CDH4: variants seen among roughly 807,000 people sequenced by gnomAD.
CDH4 encodes the protein cadherin 4, also known as cadherin-4.
In CDH4, 33 loss-of-function variants were observed where a neutral mutation model predicts 86.0. That is an observed-to-expected ratio of 0.38 (90% CI 0.29 to 0.51). The LOEUF (loss-of-function observed/expected upper bound fraction) is 0.51, where lower values mean the gene tolerates loss of function less well. Among genes scored for constraint, CDH4 ranks in the 20% least tolerant of loss-of-function variants. The pLI is 0.86. For synonymous variants in CDH4, 555 were observed against 549.4 expected, an observed-to-expected ratio of 1.01 and a Z score of -0.14; for missense variants, 1,114 against 1,307.4, an observed-to-expected ratio of 0.85 and a Z score of 2.28.
At chr20:61,712,617 T>C (rs1391477165) in intron 2 of CDH4, among the ~76,000 whole-genome samples, 3 of 152,064 alleles carry the variant, frequency 2.0e-5, no homozygotes, top group Non-Finnish European at 4.4e-5. Context: ...ATAACTGTGG[T>C]GCAAAAAACC....
At chr20:61,915,190 C>A (rs959743622) in intron 9 of CDH4, among the ~76,000 whole-genome samples, 3 of 152,242 alleles carry the variant, frequency 2.0e-5, no homozygotes, top group Non-Finnish European at 2.9e-5. Context: ...GCTACCTCTG[C>A]CATAAAGCCA....
chr20:61,607,606 G>C (rs921527492), intron 2 of CDH4, among the ~76,000 whole-genome samples: 1 of 152,184 alleles, frequency 6.6e-6, no homozygotes, highest in Non-Finnish European at 1.5e-5. Context: ...CGACACCTAC[G>C]TGGACTCGCA....
intron 2 of CDH4, among the ~76,000 whole-genome samples, chr20:61,723,201 A>G (rs962142115): frequency 2.0e-5 from 3 of 152,262 alleles, no homozygotes; most frequent in African/African-American, 4.8e-5. Flanking sequence ...ACACGGCTTC[A>G]TGGAGCCCTG....
chr20:61,433,597 G>A (rs907847629), intron 2 of CDH4, among the ~76,000 whole-genome samples: 1 of 152,212 alleles, frequency 6.6e-6, no homozygotes, highest in African/African-American at 2.4e-5. Context: ...CAGCATGCAA[G>A]GGTTTGGGTG....
At chr20:61,744,052 CAT>C (rs2088379360) in intron 3 of CDH4, among the ~76,000 whole-genome samples, 1 of 152,234 alleles carries the variant, frequency 6.6e-6, no homozygotes, top group Admixed American at 6.5e-5. Flanking sequence ...TGTCGCTCTT[CAT>C]ATGTTTTTGA....
intron 11 of CDH4, among the ~76,000 whole-genome samples, chr20:61,925,237 C>T (rs1416475948): frequency 1.3e-5 from 2 of 152,202 alleles, no homozygotes; most frequent in Non-Finnish European, 2.9e-5. Flanking sequence ...GAAGCAGCCA[C>T]CCCTTCCTGG....
At chr20:61,912,256 A>G (rs1158464371) in intron 9 of CDH4, among the ~76,000 whole-genome samples, 1 of 152,222 alleles carries the variant, frequency 6.6e-6, no homozygotes, top group Non-Finnish European at 1.5e-5. Context: ...ACTGCATAAC[A>G]TAATTATGGA....
rs572820822 is a variant in CDH4 at position 61,639,044 on chromosome 20, C to T, written c.170-104519C>T. Reference sequence around the variant, plus strand: ...AAATGTCAGTCCCTGTTATTACTGCCGGTAGAATGAATGAACACGTGCATA... The same window carrying T: ...AAATGTCAGTCCCTGTTATTACTGCTGGTAGAATGAATGAACACGTGCATA... On this transcript the variant is annotated intron_variant, in intron 2 of 15. Coordinates refer to ENST00000614565, the MANE Select transcript of CDH4 (RefSeq NM_001794.5). 6.4e-4 allele frequency among the ~76,000 whole-genome samples: 97 copies of T among 152,276 alleles called. 1 individual carries two copies. The highest frequency in any genetic ancestry group is 2.2e-3 in the African/African-American group (90 of 41,556).
intron 2 of CDH4, among the ~76,000 whole-genome samples, chr20:61,562,536 C>T (rs553850867): frequency 1.3e-5 from 2 of 152,336 alleles, no homozygotes. Context: ...TTGGTCCGAA[C>T]CCACCTTGTA....
intron 2 of CDH4, among the ~76,000 whole-genome samples, chr20:61,699,722 AAG>A (rs2087753738): frequency 6.6e-6 from 1 of 151,864 alleles, no homozygotes; most frequent in Non-Finnish European, 1.5e-5. Flanking sequence ...GAGGGGAAGA[AAG>A]AGTCTGAGCG....
chr20:61,624,448 C>A (rs1023834296), intron 2 of CDH4, among the ~76,000 whole-genome samples: 2 of 152,138 alleles, frequency 1.3e-5, no homozygotes, highest in Non-Finnish European at 2.9e-5. Context: ...AGGAGAGAGG[C>A]TTAGCTCACA....
chr20:61,636,691 C>G (rs1313292536), intron 2 of CDH4, among the ~76,000 whole-genome samples: 1 of 152,218 alleles, frequency 6.6e-6, no homozygotes, highest in Non-Finnish European at 1.5e-5. Context: ...TGCTCTTCTC[C>G]CAGCGCCTGG....
chr20:61,746,025 G>A (rs748548614), intron 3 of CDH4, among the ~76,000 whole-genome samples: 6 of 152,142 alleles, frequency 3.9e-5, no homozygotes, highest in South Asian at 2.1e-4. Context: ...CCCAACCAGC[G>A]GAGCAGGGGA....
rs1981471510 is a variant in CDH4 at position 61,829,215 on chromosome 20, G to C, written c.577-15453G>C. Among the ~76,000 whole-genome samples, 1 of 152,224 alleles carries C rather than the reference G, an allele frequency of 6.6e-6. No individual in the cohort carries two copies. The highest frequency in any genetic ancestry group is 2.4e-5 in the African/African-American group (1 of 41,462). ...CAATAACGTACTTCCTGTCTCTATG[G>C]ATTTGCCTGTCCTGCATACTTTGTG... On this transcript the variant is annotated intron_variant, in intron 4 of 15. Coordinates refer to ENST00000614565, the MANE Select transcript of CDH4 (RefSeq NM_001794.5). This position sits in a 1 kb window ranked among gnomAD's most constrained non-coding sequence, Gnocchi z 4.2.
intron 2 of CDH4, among the ~76,000 whole-genome samples, chr20:61,735,094 G>C (rs2088245581): frequency 6.6e-6 from 1 of 152,208 alleles, no homozygotes; most frequent in East Asian, 1.9e-4. Context: ...GTGGAGGAGG[G>C]ACCCTGCCCT....
chr20:61,581,467 A>G (rs1285034470), intron 2 of CDH4, among the ~76,000 whole-genome samples: 1 of 151,734 alleles, frequency 6.6e-6, no homozygotes, highest in African/African-American at 2.4e-5. Context: ...CCCCTCCTCC[A>G]TCTTCATGGC....
chr20:61,566,714 C>T (rs1233407600), intron 2 of CDH4, among the ~76,000 whole-genome samples: 3 of 152,096 alleles, frequency 2.0e-5, no homozygotes, highest in Non-Finnish European at 2.9e-5. Context: ...ATTTACCAGT[C>T]ATTGCTTGAG....
intron 9 of CDH4, among the ~76,000 whole-genome samples, chr20:61,920,354 G>A (rs1392082376): frequency 2.8e-5 from 3 of 106,208 alleles, no homozygotes; most frequent in Non-Finnish European, 5.8e-5. Context: ...CATAGTGATT[G>A]CATGGAAGCG....
intron 2 of CDH4, among the ~76,000 whole-genome samples, chr20:61,448,880 A>G (rs1441149417): frequency 2.0e-5 from 3 of 152,208 alleles, no homozygotes; most frequent in Non-Finnish European, 4.4e-5. Flanking sequence ...AATAATAATA[A>G]CAACAGCGTG....
Sources: allele counts gnomAD v4.1 joint callset (sites outside exome capture counted in the v4.1 genomes callset), GRCh38; gene constraint gnomAD v4.1.1; non-coding constraint Gnocchi (gnomAD v3.1); transcripts MANE v1.5; gene names NCBI Gene and HGNC (gene_info 2026-07-23, HGNC 2026-07-21).